Variants in CEP128 observed in about 807,000 individuals in gnomAD.
CEP128 encodes centrosomal protein 128, also known as centrosomal protein 128kDa.
A neutral mutation model predicts 156.7 loss-of-function variants in CEP128; 132 were observed. That is an observed-to-expected ratio of 0.84 (90% CI 0.73 to 0.97). The LOEUF (loss-of-function observed/expected upper bound fraction) is 0.97. Among genes scored for constraint, CEP128 ranks in the 50% least tolerant of loss-of-function variants. The pLI is 0.00. For synonymous variants in CEP128, 469 were observed against 448.9 expected (o/e 1.04, Z -0.57); for missense variants, 1,252 against 1,281.9 (o/e 0.98, Z 0.36).
Position 80,647,011 on chromosome 14 carries a change from A to G in CEP128, c.2807-66588T>C, listed in dbSNP as rs796549592. Among the ~76,000 whole-genome samples, 579 of 72,526 alleles carry G rather than the reference A, an allele frequency of 8.0e-3. 47 individuals are homozygous for G. The highest frequency in any genetic ancestry group is 0.015 in the Non-Finnish European group (459 of 30,898). 47.6% of individuals were successfully genotyped at this position (72,526 alleles called of 152,430 possible). On this transcript the variant is annotated intron_variant, in intron 19 of 24. Coordinates refer to ENST00000555265, the MANE Select transcript of CEP128 (RefSeq NM_152446.5). ...TTATAAGAAATATATATATATATAT[A>G]TGTGTGTGTATATATATGTGTGCAT...
chr14:80,902,955 G>T (rs902697699), intron 6 of CEP128, among the ~76,000 whole-genome samples: 2 of 152,038 alleles, frequency 1.3e-5, no homozygotes. Context: ...TCAAAACAAA[G>T]ATACTTTGTA....
At chr14:80,940,890 T>C (rs1320052854) in intron 1 of CEP128, among the ~76,000 whole-genome samples, 1 of 152,178 alleles carries the variant, frequency 6.6e-6, no homozygotes, top group East Asian at 1.9e-4. Context: ...AAACAACAAA[T>C]GCTGAGCACT....
At chr14:80,925,964 G>A (rs1478625209) in intron 2 of CEP128, among the ~76,000 whole-genome samples, 1 of 152,084 alleles carries the variant, frequency 6.6e-6, no homozygotes, top group African/African-American at 2.4e-5. Flanking sequence ...GCATCGAACC[G>A]TGTTTACTCC....
intron 21 of CEP128, among the ~76,000 whole-genome samples, chr14:80,542,962 G>A (rs1889831455): frequency 1.3e-5 from 2 of 152,268 alleles, no homozygotes; most frequent in South Asian, 4.1e-4. Flanking sequence ...GATGTCCTGT[G>A]TTCTCAAAGA....
chr14:80,753,998 CTCTACCTCAAA>C (rs1566895305), intron 18 of CEP128, among the ~76,000 whole-genome samples: 1 of 152,138 alleles, frequency 6.6e-6, no homozygotes, highest in Non-Finnish European at 1.5e-5. Context: ...TAACTGGTTT[CTCTACCTCAAA>C]TCTTACCAAC....
At chr14:80,953,553 C>A (rs1886514015) in intron 2 of CEP128, among the ~76,000 whole-genome samples, 1 of 152,156 alleles carries the variant, frequency 6.6e-6, no homozygotes, top group South Asian at 2.1e-4. Flanking sequence ...CCATTGCACT[C>A]CAGCCTGGGC....
At chr14:80,782,485 G>T (rs1316047061) in intron 15 of CEP128, among the ~76,000 whole-genome samples, 1 of 152,096 alleles carries the variant, frequency 6.6e-6, no homozygotes, top group Non-Finnish European at 1.5e-5. Context: ...GTCTCGGTCA[G>T]TTTGTACCAG....
intron 19 of CEP128, among the ~76,000 whole-genome samples, chr14:80,585,964 A>G (rs1346980415): frequency 1.3e-5 from 2 of 152,304 alleles, no homozygotes; most frequent in Non-Finnish European, 1.5e-5. Flanking sequence ...TTAGCCTTCT[A>G]TTATTCCATT....
At chr14:80,749,862 CA>C (rs1899299507) in intron 18 of CEP128, among the ~76,000 whole-genome samples, 1 of 151,972 alleles carries the variant, frequency 6.6e-6, no homozygotes, top group Non-Finnish European at 1.5e-5. Context: ...ATGCCTATAG[CA>C]AAATATCAAC....
At position 80,836,356 on chromosome 14, in the gene CEP128, T is replaced by G. The variant is rs760028806; in HGVS notation, c.925-19A>C. 3.3e-5 allele frequency: 54 copies of G among 1,613,224 alleles called. No homozygotes were observed. The highest frequency in any genetic ancestry group is 4.6e-5 in the Non-Finnish European group (54 of 1,179,738). The stretch of plus-strand genomic sequence containing the variant: ...CTTCTACCTAACACATGGTCAAAAA[T>G]CAAACATCGGTTTTCACAATCAGAG... On this transcript the variant is annotated intron_variant, in intron 11 of 24. Coordinates refer to ENST00000555265, the MANE Select transcript of CEP128 (RefSeq NM_152446.5).
chr14:80,913,466 A>T (rs1411088153), intron 4 of CEP128, among the ~76,000 whole-genome samples: 1 of 152,222 alleles, frequency 6.6e-6, no homozygotes, highest in Non-Finnish European at 1.5e-5. Context: ...ATACATAGAA[A>T]ATGTTTGGAA....
At chr14:80,799,814 C>T (rs1167422605) in intron 13 of CEP128, among the ~76,000 whole-genome samples, 5 of 152,132 alleles carry the variant, frequency 3.3e-5, no homozygotes, top group Non-Finnish European at 7.3e-5. Context: ...CTCTCGAACC[C>T]TGTTTTCTGT....
chr14:80,645,126 A>C (rs990285386), intron 19 of CEP128, among the ~76,000 whole-genome samples: 27 of 152,184 alleles, frequency 1.8e-4, no homozygotes, highest in African/African-American at 6.3e-4. Context: ...GACTCTAACA[A>C]GTCATAACCA....
At chr14:80,813,372 T>C (rs1021303623) in intron 13 of CEP128, among the ~76,000 whole-genome samples, 1 of 152,164 alleles carries the variant, frequency 6.6e-6, no homozygotes, top group African/African-American at 2.4e-5. Context: ...CCTTAATCCA[T>C]CTTGAGTTGA....
At chr14:80,491,470 C>A (rs980253362) in intron 6 of CEP128, among the ~76,000 whole-genome samples, 1 of 152,146 alleles carries the variant, frequency 6.6e-6, no homozygotes, top group African/African-American at 2.4e-5. Context: ...TCTTTTAATG[C>A]CACCGTGTTA....
chr14:80,760,264 T>G (rs564110492), intron 17 of CEP128, among the ~76,000 whole-genome samples: 1 of 152,088 alleles, frequency 6.6e-6, no homozygotes, highest in South Asian at 2.1e-4. Flanking sequence ...AAGTAACACT[T>G]GAACTTAAAA....
intron 24 of CEP128, among the ~76,000 whole-genome samples, chr14:80,498,794 T>C (rs1217202454): frequency 6.6e-6 from 1 of 152,236 alleles, no homozygotes; most frequent in Non-Finnish European, 1.5e-5. Flanking sequence ...TCCTGTTCAC[T>C]GCTGTATACT....
At chr14:80,834,891 T>A (rs1379920032) in intron 12 of CEP128, among the ~76,000 whole-genome samples, 1 of 152,166 alleles carries the variant, frequency 6.6e-6, no homozygotes, top group South Asian at 2.1e-4. Flanking sequence ...TTGGATATAG[T>A]TTATTTGTCC....
At chr14:80,688,622 A>G (rs1453064746) in intron 19 of CEP128, among the ~76,000 whole-genome samples, 3 of 152,222 alleles carry the variant, frequency 2.0e-5, no homozygotes, top group Non-Finnish European at 4.4e-5. Context: ...GCATCACCTA[A>G]AAATCTCCTG....
Sources: allele counts gnomAD v4.1 joint callset (sites outside exome capture counted in the v4.1 genomes callset), GRCh38; gene constraint gnomAD v4.1.1; transcripts MANE v1.5; gene names NCBI Gene and HGNC (gene_info 2026-07-23, HGNC 2026-07-21).